Variants in RBFOX1 observed in about 807,000 individuals in gnomAD.
The protein encoded by RBFOX1 is RNA binding fox-1 homolog 1, also known as RNA binding protein fox-1 homolog 1.
RBFOX1 carries 8 observed loss-of-function variants against 57.7 expected under a neutral mutation model. The observed-to-expected ratio is 0.14, with a 90% confidence interval of 0.08 to 0.25. RBFOX1 has a LOEUF of 0.25. Ranked by LOEUF, RBFOX1 falls within the 10% of genes least tolerant of loss-of-function variation. RBFOX1 has a pLI of 1.00. For missense variants in RBFOX1, 611 were observed against 548.5 expected (o/e 1.11, Z -1.14); for synonymous variants, 326 against 222.4 (o/e 1.47, Z -4.15).
At chr16:6,961,033 C>G (rs975528144) in intron 3 of RBFOX1, among the ~76,000 whole-genome samples, 1 of 150,336 alleles carries the variant, frequency 6.7e-6, no homozygotes, top group Non-Finnish European at 1.5e-5. Flanking sequence ...AGTCCAGCTA[C>G]TCAGGAGGCT....
chr16:5,558,952 G>A (rs1048001255), intron 2 of RBFOX1, among the ~76,000 whole-genome samples: 9 of 152,114 alleles, frequency 5.9e-5, no homozygotes, highest in African/African-American at 2.2e-4. Context: ...AGCTAGATGT[G>A]TGAGGCATGC....
At chr16:7,595,494 C>T (rs936701160) in intron 7 of RBFOX1, 55 bp from the exon 8 acceptor site, 7 of 1,361,506 alleles carry the variant, frequency 5.1e-6, no homozygotes, top group South Asian at 1.5e-5. Flanking sequence ...ACCAAGTGGT[C>T]GTTGACTGAA....
chr16:5,430,362 G>C (rs1057457629), intron 1 of RBFOX1, among the ~76,000 whole-genome samples: 11 of 152,174 alleles, frequency 7.2e-5, no homozygotes, highest in African/African-American at 2.4e-4. Context: ...CATGTGCAAA[G>C]GCCCTGTAGT....
intron 1 of RBFOX1, among the ~76,000 whole-genome samples, chr16:6,099,206 G>A (rs2096277813): frequency 6.6e-6 from 1 of 152,164 alleles, no homozygotes; most frequent in Non-Finnish European, 1.5e-5. Context: ...AATGAAAATT[G>A]GCCAAAGAAA....
chr16:6,648,405 T>G (rs1378390025), intron 2 of RBFOX1, among the ~76,000 whole-genome samples: 2 of 152,048 alleles, frequency 1.3e-5, no homozygotes, highest in African/African-American at 4.8e-5. Context: ...CCACGTTGAC[T>G]AGGAAGTTCC....
chr16:7,041,277 T>C (rs1043116750), intron 3 of RBFOX1, among the ~76,000 whole-genome samples: 10 of 151,978 alleles, frequency 6.6e-5, no homozygotes, highest in African/African-American at 2.2e-4. Flanking sequence ...CCCATTTGTT[T>C]ACACGTTGTC....
intron 4 of RBFOX1, among the ~76,000 whole-genome samples, chr16:7,488,196 C>G (rs2065922019): frequency 6.6e-6 from 1 of 152,138 alleles, no homozygotes; most frequent in African/African-American, 2.4e-5. Context: ...CTGCAGCGTG[C>G]TCATCCCTGC....
chr16:7,160,213 G>A (rs1360756433), intron 4 of RBFOX1, among the ~76,000 whole-genome samples: 1 of 149,506 alleles, frequency 6.7e-6, no homozygotes, highest in African/African-American at 2.5e-5. Flanking sequence ...TTTTAATAAA[G>A]TACAGCAAAG....
At chr16:6,319,336 A>G (rs1008006808) in intron 2 of RBFOX1, among the ~76,000 whole-genome samples, 2 of 152,090 alleles carry the variant, frequency 1.3e-5, no homozygotes, top group African/African-American at 2.4e-5. Context: ...TTTCCTTTGC[A>G]TCGGTACCCT....
chr16:6,801,195 C>T (rs1293603492), intron 3 of RBFOX1, among the ~76,000 whole-genome samples: 1 of 93,980 alleles, frequency 1.1e-5, no homozygotes, highest in Middle Eastern at 5.7e-3. Context: ...CAAGATTGAA[C>T]ATGCAAAAAA....
chr16:6,378,532 G>C (rs1055226540), intron 2 of RBFOX1, among the ~76,000 whole-genome samples: 1 of 152,180 alleles, frequency 6.6e-6, no homozygotes, highest in Non-Finnish European at 1.5e-5. Flanking sequence ...CCATCTCCTG[G>C]CTGGATCATC....
At chr16:5,863,381 C>T (rs1311294907) in intron 3 of RBFOX1, among the ~76,000 whole-genome samples, 1 of 152,174 alleles carries the variant, frequency 6.6e-6, no homozygotes, top group Non-Finnish European at 1.5e-5. Flanking sequence ...ATATCAGCCC[C>T]CCACTGCAGA....
intron 2 of RBFOX1, among the ~76,000 whole-genome samples, chr16:6,621,781 C>CTTT (rs1567921654): frequency 6.6e-6 from 1 of 152,190 alleles, no homozygotes; most frequent in Non-Finnish European, 1.5e-5. Flanking sequence ...GCTAGAAGGA[C>CTTT]ATGTGGCAAC....
chr16:7,369,626 A>T (rs566840705), intron 4 of RBFOX1, among the ~76,000 whole-genome samples: 1 of 152,288 alleles, frequency 6.6e-6, no homozygotes, highest in African/African-American at 2.4e-5. Flanking sequence ...TCTGGAGTCA[A>T]TTGGATTCTA....
intron 2 of RBFOX1, among the ~76,000 whole-genome samples, chr16:6,453,176 A>C (rs779749533): frequency 6.6e-6 from 1 of 151,996 alleles, no homozygotes; most frequent in Non-Finnish European, 1.5e-5. Context: ...AGTTCGTTAC[A>C]TAGGTATACA....
At chr16:6,981,330 A>C (rs1206448025) in intron 3 of RBFOX1, among the ~76,000 whole-genome samples, 2 of 151,908 alleles carry the variant, frequency 1.3e-5, no homozygotes, top group East Asian at 3.9e-4. Flanking sequence ...ATGTGTTCTC[A>C]TTATTTAGCT....
At chr16:6,014,007 A>C (rs1480335470) in intron 4 of RBFOX1, among the ~76,000 whole-genome samples, 2 of 152,136 alleles carry the variant, frequency 1.3e-5, no homozygotes, top group East Asian at 3.9e-4. Context: ...GATACACCTA[A>C]TGTTAAATGA....
At chr16:6,152,665 C>T (rs1362319881) in intron 1 of RBFOX1, among the ~76,000 whole-genome samples, 1 of 148,986 alleles carries the variant, frequency 6.7e-6, no homozygotes, top group Non-Finnish European at 1.5e-5. Flanking sequence ...GCAATGTATG[C>T]TATCTATGGC....
intron 4 of RBFOX1, among the ~76,000 whole-genome samples, chr16:7,216,409 C>T (rs540480872): frequency 9.0e-4 from 137 of 152,236 alleles, no homozygotes; most frequent in African/African-American, 3.2e-3. Flanking sequence ...AATCCCAGCA[C>T]TTTGGGAGGC....
Sources: allele counts gnomAD v4.1 joint callset (sites outside exome capture counted in the v4.1 genomes callset), GRCh38; gene constraint gnomAD v4.1.1; transcripts MANE v1.5; gene names NCBI Gene and HGNC (gene_info 2026-07-23, HGNC 2026-07-21).